The following RHCE variants were observed in gnomAD, a reference collection of about 807,000 sequenced individuals.
RHCE encodes Rh blood group CcEe antigens.
In RHCE, 22 loss-of-function variants were observed where a neutral mutation model predicts 43.8. The observed-to-expected ratio is 0.50, with a 90% confidence interval of 0.36 to 0.72. The LOEUF is 0.72. Among genes scored for constraint, RHCE ranks in the 30% least tolerant of loss-of-function variants. RHCE has a pLI of 0.00. For synonymous variants in RHCE, 156 were observed against 210.7 expected (o/e 0.74, Z 2.25); for missense variants, 385 against 525.4 (o/e 0.73, Z 2.61).
chr1:25,370,511 C>G lies in RHCE; in HGVS notation c.1183G>C (p.Ala395Pro), dbSNP rs367825256. 2 of 1,612,500 alleles carry G rather than the reference C, an allele frequency of 1.2e-6. No individual in the cohort carries two copies. The highest frequency in any genetic ancestry group is 1.7e-6 in the Non-Finnish European group (2 of 1,179,280). The part of the protein sequence containing the change: ...GLLLNLKIWK[A>P]PHVAKYFDDQ... ...TCAAAATATTTAGCCACATGAGGTG[C>G]TTTCCATATTTTGAGATTTAGGAGC... Residue 395 changes from alanine to proline, a missense_variant, in exon 9 of 10, where the codon GCA (alanine) becomes CCA (proline). Physicochemically the swap from Ala to Pro is conservative, Grantham distance 27. Around this residue, in one of 6 missense-constraint regions of RHCE, gnomAD observed 26 missense variants for 37.1 expected, o/e 0.70. Coordinates refer to ENST00000294413, the MANE Select transcript of RHCE (RefSeq NM_020485.8).
chr1:25,403,374 G>A (rs1237548870), intron 2 of RHCE, among the ~76,000 whole-genome samples: 1 of 151,988 alleles, frequency 6.6e-6, no homozygotes, highest in Non-Finnish European at 1.5e-5. Flanking sequence ...GGGATGTGAA[G>A]GAGTATTCTT....
chr1:25,383,762 G>A (rs567913827), intron 7 of RHCE, among the ~76,000 whole-genome samples: 2 of 152,242 alleles, frequency 1.3e-5, no homozygotes, highest in African/African-American at 4.8e-5. Context: ...TTGCAGGGAT[G>A]TGCTGGAGCC....
intron 7 of RHCE, among the ~76,000 whole-genome samples, chr1:25,379,411 T>C (rs1468125285): frequency 7.3e-6 from 1 of 137,454 alleles, no homozygotes; most frequent in Non-Finnish European, 1.5e-5. Flanking sequence ...CCAAAATGCA[T>C]GTCCTTCGTA....
chr1:25,392,943 C>T (rs1004322685), intron 3 of RHCE, among the ~76,000 whole-genome samples: 3 of 152,106 alleles, frequency 2.0e-5, no homozygotes, highest in Non-Finnish European at 4.4e-5. Flanking sequence ...TTCACTGATT[C>T]CTACTTCTCA....
At chr1:25,382,248 G>T (rs1646024435) in intron 7 of RHCE, among the ~76,000 whole-genome samples, 1 of 148,234 alleles carries the variant, frequency 6.7e-6, no homozygotes, top group South Asian at 2.1e-4. Flanking sequence ...AAATTTGGGG[G>T]ACACATTCAA....
chr1:25,406,246 CGTGCGTGTGTGT>C (rs1200257507), intron 2 of RHCE, among the ~76,000 whole-genome samples: 6 of 88,450 alleles, frequency 6.8e-5, no homozygotes, highest in African/African-American at 3.5e-4. Context: ...TGCGTGCGTG[CGTGCGTGTGTGT>C]GTGTGTGTGT....
At chr1:25,425,726 C>T (rs559074565), upstream of RHCE, among the ~76,000 whole-genome samples, 273 of 152,322 alleles carry the variant, frequency 1.8e-3, 3 homozygotes, top group African/African-American at 6.1e-3. Flanking sequence ...ACAGCTTTCA[C>T]GTGTAATCAT....
At position 25,406,060 on chromosome 1, in the gene RHCE, C is replaced by G. The variant is rs1197753161; in HGVS notation, c.335+2623G>C. 4.9e-5 allele frequency among the ~76,000 whole-genome samples: 6 copies of G among 122,880 alleles called. 1 individual carries two copies. The highest frequency in any genetic ancestry group is 1.5e-4 in the African/African-American group (6 of 39,696). 80.6% of individuals were successfully genotyped at this position (122,880 alleles called of 152,430 possible). ...CTTCCTGGATTGAGTCAAGAATGAACAGGTCCCTGTGGACATCAGATGAAG... is the reference window on the plus strand; with the variant it reads ...CTTCCTGGATTGAGTCAAGAATGAAGAGGTCCCTGTGGACATCAGATGAAG... On this transcript the variant is annotated intron_variant, in intron 2 of 9. Transcript: ENST00000294413.
chr1:25,412,707 CCTTT>C (rs1647121093), intron 1 of RHCE, among the ~76,000 whole-genome samples: 1 of 114,054 alleles, frequency 8.8e-6, no homozygotes, highest in Non-Finnish European at 1.6e-5. Context: ...AGAGGGAGAC[CCTTT>C]TTTTAAAAAA....
In RHCE at chr1:25,373,531, T is replaced by C. The variant is rs532211295; in HGVS notation, c.1153+1818A>G. Among the ~76,000 whole-genome samples the C allele has an allele frequency of 1.8e-4, 28 of 151,770 alleles. 1 individual carries two copies. Among genetic ancestry groups the C allele is most frequent in the Non-Finnish European group, 3.2e-4 (22 of 68,024 alleles). On this transcript the variant is annotated intron_variant, in intron 8 of 9. Transcript: ENST00000294413. The stretch of plus-strand genomic sequence containing the variant: ...GCCAGACATTGGTATATTAAAGCAA[T>C]TCTAGCCAATCTCACACTCAAAAAT...
intron 3 of RHCE, among the ~76,000 whole-genome samples, chr1:25,396,330 T>A (rs1646534292): frequency 6.6e-6 from 1 of 152,224 alleles, no homozygotes; most frequent in Admixed American, 6.5e-5. Flanking sequence ...GAAAGGATAT[T>A]ATTGAAAAAA....
intron 1 of RHCE, among the ~76,000 whole-genome samples, chr1:25,429,635 TACTATTCTAGTATGACC>T (rs1253838046): frequency 2.6e-5 from 4 of 152,154 alleles, no homozygotes; most frequent in Non-Finnish European, 5.9e-5. Flanking sequence ...CTAGTATGAC[TACTATTCTAGTATGACC>T]ACTATTCTAT....
At chr1:25,379,815 C>T (rs1645938975) in intron 7 of RHCE, among the ~76,000 whole-genome samples, 1 of 152,130 alleles carries the variant, frequency 6.6e-6, no homozygotes, top group African/African-American at 2.4e-5. Context: ...GCTAGAATTA[C>T]AGGCACATGC....
intron 3 of RHCE, among the ~76,000 whole-genome samples, chr1:25,401,151 G>T (rs1332150727): frequency 6.6e-6 from 1 of 152,162 alleles, no homozygotes; most frequent in Non-Finnish European, 1.5e-5. Context: ...AGTCCTTTGG[G>T]ATACTGAGGC....
At chr1:25,387,710 T>C (rs1557614034) in intron 6 of RHCE, among the ~76,000 whole-genome samples, 1 of 152,222 alleles carries the variant, frequency 6.6e-6, no homozygotes, top group African/African-American at 2.4e-5. Flanking sequence ...TGATACGTTT[T>C]TCCTTATTTA....
Position 25,387,017 on chromosome 1 carries a change from C to T in RHCE, c.940-1173G>A, listed in dbSNP as rs142492422. Among the ~76,000 whole-genome samples, 765 of 152,270 alleles carry T rather than the reference C, an allele frequency of 5.0e-3. 6 individuals carry two copies. Among genetic ancestry groups the T allele is most frequent in the African/African-American group, 0.017 (713 of 41,554 alleles). On this transcript the variant is annotated intron_variant, in intron 6 of 9. Transcript: ENST00000294413. ...CTGCACTCCAGCCTGGGTGACAGAA[C>T]GAGACTCTGTCTCAATAAATAAAAA...
In RHCE at chr1:25,386,842, A is replaced by AAAACACAC. The variant is rs1557613133; in HGVS notation, c.940-999_940-998insGTGTGTTT. ...GTCTCAACAACAACAACAACAACAA[A>AAAACACAC]ACACACACACACACACACACACACA... On this transcript the variant is annotated intron_variant, in intron 6 of 9. Coordinates refer to ENST00000294413, the MANE Select transcript of RHCE (RefSeq NM_020485.8). Among the ~76,000 whole-genome samples, 319 of 138,876 alleles carry AAAACACAC rather than the reference A, an allele frequency of 2.3e-3. 2 individuals carry two copies. Among genetic ancestry groups the AAAACACAC allele is most frequent in the African/African-American group, 7.7e-3 (280 of 36,360 alleles). 91.1% of individuals were successfully genotyped at this position (138,876 alleles called of 152,430 possible).
rs143880428 is a variant in RHCE at position 25,394,493 on chromosome 1, C to A, written c.487-2352G>T. On this transcript the variant is annotated intron_variant, in intron 3 of 9. Transcript: ENST00000294413. ...GGCCACCCCCTCAAACAGTTGTCCTCTCTCCCCAACTTTTCGTGTTTCTTT... is the reference window on the plus strand; with the variant it reads ...GGCCACCCCCTCAAACAGTTGTCCTATCTCCCCAACTTTTCGTGTTTCTTT... Among the ~76,000 whole-genome samples, 445 of 152,212 alleles carry A rather than the reference C, an allele frequency of 2.9e-3. 2 individuals are homozygous for A. The highest frequency in any genetic ancestry group is 9.1e-3 in the African/African-American group (379 of 41,532).
intron 7 of RHCE, among the ~76,000 whole-genome samples, chr1:25,385,098 C>T (rs984720497): frequency 1.3e-5 from 2 of 152,178 alleles, no homozygotes; most frequent in Non-Finnish European, 2.9e-5. Context: ...GTGTGTCAAA[C>T]TGACCATTGC....
Sources: allele counts gnomAD v4.1 joint callset (sites outside exome capture counted in the v4.1 genomes callset), GRCh38; gene constraint gnomAD v4.1.1; regional missense constraint gnomAD v4.1.1; transcripts MANE v1.5; gene names NCBI Gene and HGNC (gene_info 2026-07-23, HGNC 2026-07-21).